GPBP1: variants seen among roughly 807,000 people sequenced by gnomAD.
GPBP1 encodes the protein GC-rich promoter binding protein 1.
In GPBP1, 13 loss-of-function variants were observed where a neutral mutation model predicts 56.5. The ratio of observed to expected loss-of-function variants is 0.23; its 90% CI spans 0.15 to 0.37. The LOEUF (loss-of-function observed/expected upper bound fraction) is 0.37. Among genes scored for constraint, GPBP1 ranks in the 10% least tolerant of loss-of-function variants. The probability of loss-of-function intolerance (pLI) is 1.00; values close to 1 mark genes in which losing one functional copy is unlikely to be tolerated. For missense variants in GPBP1, 477 were observed against 572.3 expected (o/e 0.83, Z 1.70); for synonymous variants, 204 against 188.9 (o/e 1.08, Z -0.66).
chr5:57,174,948 A>C (rs1033742828), intron 1 of GPBP1, among the ~76,000 whole-genome samples: 4 of 152,138 alleles, frequency 2.6e-5, no homozygotes, highest in African/African-American at 9.7e-5. Flanking sequence ...TTCTGGCCTT[A>C]CTGGGTGGGA....
rs184869326 is a variant in GPBP1, at chr5:57,248,400, T to C, written c.805-1009T>C. 4.2e-3 allele frequency among the ~76,000 whole-genome samples: 643 copies of C among 151,552 alleles called. 8 individuals are homozygous for C. Among genetic ancestry groups the C allele is most frequent in the African/African-American group, 0.015 (608 of 41,266 alleles). On this transcript the variant is annotated intron_variant, in intron 8 of 11. Coordinates refer to ENST00000506184, the MANE Select transcript of GPBP1 (RefSeq NM_022913.4). ...ACCTGAAATTGCTTTGGGTACTGTA[T>C]TGGAACCCCTCATATACTATTTTTT...
chr5:57,261,365 G>A, intron 11 of GPBP1, 83 bp downstream of exon 11: 1 of 767,194 alleles, frequency 1.3e-6, no homozygotes, highest in Non-Finnish European at 2.3e-6. Context: ...ATGGAGTGGG[G>A]GAGATTTAGG....
intron 5 of GPBP1, among the ~76,000 whole-genome samples, chr5:57,235,444 TTTA>T (rs1756622246): frequency 6.6e-6 from 1 of 151,904 alleles, no homozygotes; most frequent in Non-Finnish European, 1.5e-5. Flanking sequence ...TGAAAGCAAG[TTTA>T]TTAAGAAAGT....
intron 2 of GPBP1, among the ~76,000 whole-genome samples, chr5:57,182,873 G>A (rs1216198905): frequency 6.6e-6 from 1 of 152,054 alleles, no homozygotes; most frequent in African/African-American, 2.4e-5. Flanking sequence ...TGTAGAGAGA[G>A]AGTCTTGTTA....
At chr5:57,247,245 T>A in intron 8 of GPBP1, 30 bp downstream of exon 8, 1 of 1,553,464 alleles carries the variant, frequency 6.4e-7, no homozygotes, top group Middle Eastern at 1.8e-4. Flanking sequence ...ACTTGAGGAA[T>A]GTAACATTTT....
At chr5:57,221,259 A>G (rs1054427723) in intron 3 of GPBP1, 10 of 637,532 alleles carry the variant, frequency 1.6e-5, no homozygotes, top group Admixed American at 8.8e-5. Flanking sequence ...ATTTTCATGT[A>G]TATGTAACAA....
In GPBP1 at chr5:57,178,511, G is replaced by A. The variant is rs564194466; in HGVS notation, c.-58+2111G>A. 3.8e-4 allele frequency among the ~76,000 whole-genome samples: 58 copies of A among 152,282 alleles called. 1 individual carries two copies. Among genetic ancestry groups the A allele is most frequent in the Admixed American group, 3.6e-3 (55 of 15,292 alleles). On this transcript the variant is annotated intron_variant, in intron 2 of 11. Transcript: ENST00000506184. ...TTCACCTGCCTCCACTTCCCAAAGT[G>A]CTGGGATTACAGGCCTGAGCCACTG...
intron 2 of GPBP1, among the ~76,000 whole-genome samples, chr5:57,188,244 A>C (rs1297003295): frequency 1.6e-5 from 1 of 63,522 alleles, no homozygotes; most frequent in Admixed American, 1.9e-4. Flanking sequence ...AGACTGTCTC[A>C]AAAAAAAAAA....
intron 3 of GPBP1, among the ~76,000 whole-genome samples, chr5:57,230,032 G>A (rs181935071): frequency 0.011 from 1,718 of 150,366 alleles, 31 homozygotes; most frequent in African/African-American, 0.04. Context: ...CCAGGTTCAA[G>A]CGATTCTCTT....
chr5:57,227,722 T>TA, intron 3 of GPBP1, among the ~76,000 whole-genome samples: 2 of 152,340 alleles, frequency 1.3e-5, no homozygotes, highest in South Asian at 4.1e-4. Flanking sequence ...ACATCACGCT[T>TA]ATGCTGCTTG....
intron 11 of GPBP1, among the ~76,000 whole-genome samples, 192 bp downstream of exon 11, chr5:57,261,474 A>T (rs1741890255): frequency 6.6e-6 from 1 of 152,218 alleles, no homozygotes. Context: ...CCTGGGTGCC[A>T]GGTGATCCTC....
chr5:57,242,849 AAGTGATTCTTCT>A (rs1740895738), intron 6 of GPBP1, among the ~76,000 whole-genome samples: 1 of 151,742 alleles, frequency 6.6e-6, no homozygotes, highest in South Asian at 2.1e-4. Flanking sequence ...TCCCGGGTTC[AAGTGATTCTTCT>A]GCCTCGGCCT....
At chr5:57,224,979 A>G (rs1016766848) in intron 3 of GPBP1, among the ~76,000 whole-genome samples, 3 of 151,828 alleles carry the variant, frequency 2.0e-5, no homozygotes, top group Admixed American at 2.0e-4. Flanking sequence ...ATCACTGCAA[A>G]TTACATAAAA....
At chr5:57,259,401 G>A (rs1477779256) in intron 10 of GPBP1, among the ~76,000 whole-genome samples, 1 of 152,174 alleles carries the variant, frequency 6.6e-6, no homozygotes, top group African/African-American at 2.4e-5. Context: ...AGATGAGTAG[G>A]TGTAAATAAG....
At position 57,249,537 on chromosome 5, in the gene GPBP1, A is replaced by G. The variant is rs150156637; in HGVS notation, c.933A>G (p.Glu311=). ...AAGCATTGAAAAGAGACAGAGTAGA[A>G]GAGGAACATGAAGATGAAAGCCGTG... is the stretch of plus-strand genomic sequence containing the variant. ...FLKALKRDRV[E]EEHEDESRAG... Residue 311 remains glutamate, a synonymous_variant, in exon 9 of 12, where the codon GAA becomes GAG. Transcript: ENST00000506184. 5.8e-5 allele frequency: 94 copies of G among 1,612,148 alleles called. 1 individual carries two copies. Among genetic ancestry groups the G allele is most frequent in the Non-Finnish European group, 7.6e-5 (90 of 1,179,460 alleles).
chr5:57,176,485 C>G (rs938975701), intron 2 of GPBP1, 85 bp downstream of exon 2: 1 of 152,518 alleles, frequency 6.6e-6, no homozygotes, highest in African/African-American at 2.4e-5. Flanking sequence ...TTCTCGGAAG[C>G]CTTTCAGTTT....
intron 2 of GPBP1, among the ~76,000 whole-genome samples, chr5:57,198,939 G>A (rs1376186080): frequency 6.6e-6 from 1 of 152,110 alleles, no homozygotes; most frequent in Non-Finnish European, 1.5e-5. Flanking sequence ...ATGCTTAAAA[G>A]TATTTTGTTT....
chr5:57,237,464 A>G (rs890034091), intron 6 of GPBP1: 3 of 328,948 alleles, frequency 9.1e-6, no homozygotes, highest in South Asian at 4.7e-5. Context: ...TTTTGGTTCT[A>G]CTGTTTCAGG....
At chr5:57,198,528 A>G (rs1754861136) in intron 2 of GPBP1, among the ~76,000 whole-genome samples, 1 of 152,086 alleles carries the variant, frequency 6.6e-6, no homozygotes, top group Admixed American at 6.6e-5. Flanking sequence ...AGTGGTTATC[A>G]TAGTTTTCTT....
Sources: gnomAD v4.1 joint callset for allele counts (sites outside exome capture counted in the v4.1 genomes callset) on GRCh38, gnomAD v4.1.1 for gene constraint, MANE v1.5 for transcripts, NCBI Gene and HGNC (gene_info 2026-07-23, HGNC 2026-07-21) for gene names.